RNF138: variants seen among roughly 807,000 people sequenced by gnomAD.
The protein encoded by RNF138 is E3 ubiquitin-protein ligase RNF138.
RNF138 carries 12 observed loss-of-function variants against 31.0 expected under a neutral mutation model. That is an observed-to-expected ratio of 0.39 (90% CI 0.25 to 0.63). The LOEUF (loss-of-function observed/expected upper bound fraction) is 0.63. RNF138 is among the 20% of genes least tolerant of loss of function. The pLI, the probability that RNF138 is intolerant of heterozygous loss-of-function variation, is 0.52. For missense variants in RNF138, 192 were observed against 300.1 expected (o/e 0.64, Z 2.66); for synonymous variants, 105 against 99.5 (o/e 1.06, Z -0.33).
chr18:32,104,089 C>G lies in RNF138; in HGVS notation c.111-7665C>G, dbSNP rs528689733. Among the ~76,000 whole-genome samples the G allele has an allele frequency of 2.7e-5, 4 of 150,106 alleles. No homozygotes were observed. In the East Asian group the frequency reaches 8.0e-4, roughly 30 times the overall value. On this transcript the variant is annotated intron_variant, in intron 2 of 7. Transcript: ENST00000261593. ...AGTGCAGTGGCCTGATCTTGGCTCA[C>G]TGCAACCTCTGCCTTCTGGGTTCAA...
At chr18:32,099,579 A>G (rs1044475867) in intron 2 of RNF138, among the ~76,000 whole-genome samples, 6 of 151,890 alleles carry the variant, frequency 4.0e-5, no homozygotes, top group Non-Finnish European at 8.8e-5. Flanking sequence ...ATTTTTTTGT[A>G]TTTTTAGTAG....
intron 2 of RNF138, among the ~76,000 whole-genome samples, chr18:32,102,868 T>C (rs1052896549): frequency 6.6e-6 from 1 of 152,050 alleles, no homozygotes; most frequent in Admixed American, 6.6e-5. Flanking sequence ...TGACCTTAGG[T>C]GATCCACCTG....
At chr18:32,117,566 G>A (rs562661902) in intron 4 of RNF138, among the ~76,000 whole-genome samples, 2 of 152,220 alleles carry the variant, frequency 1.3e-5, no homozygotes, top group Non-Finnish European at 2.9e-5. Flanking sequence ...TTTATTATAC[G>A]TTCTGAAGTG....
At position 32,110,374 on chromosome 18, in the gene RNF138, T is replaced by G. The variant is rs1025514119; in HGVS notation, c.111-1380T>G. 2.6e-5 allele frequency among the ~76,000 whole-genome samples: 4 copies of G among 152,354 alleles called. No homozygotes were observed. The Middle Eastern group carries it at 0.014, about 518-fold the overall frequency. Reference sequence around the variant, plus strand: ...ATTAACTACTATTTATTGAGCACTTTCCTGACCATGACAAATAATGTGTTA... The same window carrying G: ...ATTAACTACTATTTATTGAGCACTTGCCTGACCATGACAAATAATGTGTTA... On this transcript the variant is annotated intron_variant, in intron 2 of 7. Coordinates refer to ENST00000261593, the MANE Select transcript of RNF138 (RefSeq NM_016271.5).
chr18:32,127,125 C>CA (rs907062185), intron 7 of RNF138, among the ~76,000 whole-genome samples: 1 of 152,078 alleles, frequency 6.6e-6, no homozygotes, highest in Non-Finnish European at 1.5e-5. Flanking sequence ...AAAATTGGTA[C>CA]AACATATGGA....
intron 2 of RNF138, among the ~76,000 whole-genome samples, chr18:32,094,021 G>A (rs2039759128): frequency 6.6e-6 from 1 of 152,022 alleles, no homozygotes; most frequent in Non-Finnish European, 1.5e-5. Flanking sequence ...TCGATCTCCT[G>A]ACCTCGTGAT....
intron 2 of RNF138, among the ~76,000 whole-genome samples, chr18:32,100,649 A>G (rs2039918632): frequency 6.6e-6 from 1 of 151,754 alleles, no homozygotes; most frequent in Non-Finnish European, 1.5e-5. Context: ...CTAATTTTGT[A>G]TTTTTAATAG....
In RNF138 at chr18:32,092,192, A is replaced by C. The variant is rs899055976; in HGVS notation, c.-121A>C. 1.3e-5 allele frequency: 2 copies of C among 152,408 alleles called. No individual in the cohort carries two copies. The highest frequency in any genetic ancestry group is 4.8e-5 in the African/African-American group (2 of 41,394). The allele number at this position is 152,408 out of a possible 1,614,324, so 9.4% of individuals were successfully genotyped here. ...TGGGCCGGGTCTCTACGAACACGTG[A>C]AGGAAAAGCAGCTCCGTCCACAACG... On this transcript the variant is annotated 5_prime_UTR_variant, in exon 1 of 8. Coordinates refer to ENST00000261593, the MANE Select transcript of RNF138 (RefSeq NM_016271.5).
At chr18:32,128,322 G>A (rs931254402) in intron 7 of RNF138, among the ~76,000 whole-genome samples, 3 of 152,220 alleles carry the variant, frequency 2.0e-5, no homozygotes, top group Admixed American at 2.0e-4. Context: ...TGGATCACCT[G>A]AGGTCAGCAG....
chr18:32,095,100 G>T (rs2039781204), intron 2 of RNF138, among the ~76,000 whole-genome samples: 2 of 152,210 alleles, frequency 1.3e-5, no homozygotes, highest in African/African-American at 4.8e-5. Flanking sequence ...TTTGGAAGAG[G>T]TGGTAATGGA....
intron 2 of RNF138, 58 bp downstream of exon 2, chr18:32,092,944 G>C (rs1598840097): frequency 2.0e-6 from 2 of 1,015,342 alleles, no homozygotes; most frequent in East Asian, 6.5e-5. Flanking sequence ...CCCGGCCTCC[G>C]GCCCGGGACC....
At chr18:32,115,266 T>G (rs1002492677) in intron 4 of RNF138, among the ~76,000 whole-genome samples, 1 of 152,206 alleles carries the variant, frequency 6.6e-6, no homozygotes, top group Non-Finnish European at 1.5e-5. Flanking sequence ...TAGATCCACT[T>G]GGTCATAGAC....
intron 2 of RNF138, among the ~76,000 whole-genome samples, chr18:32,102,200 T>C (rs1379261707): frequency 7.6e-6 from 1 of 130,838 alleles, no homozygotes. Context: ...AGTTTCTTTT[T>C]TTTTTTTTTT....
At chr18:32,095,607 G>A (rs2039790954) in intron 2 of RNF138, among the ~76,000 whole-genome samples, 1 of 152,164 alleles carries the variant, frequency 6.6e-6, no homozygotes, top group African/African-American at 2.4e-5. Flanking sequence ...GAAGTGATAA[G>A]GGCTTTGGGT....
At chr18:32,117,714 G>A (rs908407218) in intron 4 of RNF138, among the ~76,000 whole-genome samples, 2 of 152,136 alleles carry the variant, frequency 1.3e-5, no homozygotes, top group Non-Finnish European at 2.9e-5. Context: ...ATCATTCAGA[G>A]TAGTACTGTT....
chr18:32,122,669 C>G (rs1306696416), intron 4 of RNF138, among the ~76,000 whole-genome samples: 2 of 152,040 alleles, frequency 1.3e-5, no homozygotes, highest in Non-Finnish European at 2.9e-5. Context: ...ACTAAAAATA[C>G]AAAAATTAGC....
chr18:32,097,463 A>G (rs2039829896), intron 2 of RNF138, among the ~76,000 whole-genome samples: 1 of 152,104 alleles, frequency 6.6e-6, no homozygotes, highest in Non-Finnish European at 1.5e-5. Context: ...TACTTTTTTT[A>G]ATCCTTAATT....
Position 32,091,898 on chromosome 18 carries a change from C to G in RNF138, c.-415C>G, listed in dbSNP as rs1188670636. 1 of 152,248 alleles carries G rather than the reference C, an allele frequency of 6.6e-6. No individual in the cohort carries two copies. The highest frequency in any genetic ancestry group is 1.5e-5 in the Non-Finnish European group (1 of 68,090). 9.4% of individuals were successfully genotyped at this position (152,248 alleles called of 1,614,324 possible). ...CGCCGTGCGCCGGTTGCTATACAGG[C>G]CGCACTTCACACCCCGTGCCTCCCC... On this transcript the variant is annotated 5_prime_UTR_variant, in exon 1 of 8. Transcript: ENST00000261593.
intron 2 of RNF138, among the ~76,000 whole-genome samples, chr18:32,095,710 G>A (rs1308791333): frequency 6.6e-6 from 1 of 152,304 alleles, no homozygotes; most frequent in East Asian, 1.9e-4. Context: ...AAAGGAGCAA[G>A]TTCATTATCA....
Sources: allele counts gnomAD v4.1 joint callset (sites outside exome capture counted in the v4.1 genomes callset), GRCh38; gene constraint gnomAD v4.1.1; transcripts MANE v1.5; gene names NCBI Gene and HGNC (gene_info 2026-07-23, HGNC 2026-07-21).